The following TLCD4 variants were observed in gnomAD, a reference collection of about 807,000 sequenced individuals.
TLCD4 encodes the protein TLC domain containing 4.
In TLCD4, 7 loss-of-function variants were observed where a neutral mutation model predicts 24.2. That is an observed-to-expected ratio of 0.29 (90% CI 0.16 to 0.54). The LOEUF is 0.54. Ranked by LOEUF, TLCD4 falls within the 20% of genes least tolerant of loss-of-function variation. The pLI, the probability that TLCD4 is intolerant of heterozygous loss-of-function variation, is 0.95. For missense variants in TLCD4, 259 were observed against 313.9 expected (o/e 0.82, Z 1.32); for synonymous variants, 103 against 106.4 (o/e 0.97, Z 0.20).
chr1:95,140,116 A>G (rs1290858845), intron 1 of TLCD4, among the ~76,000 whole-genome samples: 4 of 152,162 alleles, frequency 2.6e-5, no homozygotes, highest in African/African-American at 2.4e-5. Flanking sequence ...GTTTTTTTTA[A>G]TAAATAGAAG....
At chr1:95,141,828 C>T (rs1257909871) in intron 1 of TLCD4, among the ~76,000 whole-genome samples, 2 of 141,950 alleles carry the variant, frequency 1.4e-5, no homozygotes, top group Non-Finnish European at 3.1e-5. Context: ...CACACACACA[C>T]ACACAAAGAA....
At chr1:95,186,816 G>A (rs545716245) in intron 6 of TLCD4, among the ~76,000 whole-genome samples, 1 of 152,206 alleles carries the variant, frequency 6.6e-6, no homozygotes, top group East Asian at 1.9e-4. Flanking sequence ...AGATAATTTA[G>A]CCCTTTTATC....
At chr1:95,183,445 TAGTG>T (rs916834883) in intron 6 of TLCD4, among the ~76,000 whole-genome samples, 2 of 152,158 alleles carry the variant, frequency 1.3e-5, no homozygotes, top group Non-Finnish European at 2.9e-5. Flanking sequence ...AGTGGAAATT[TAGTG>T]AGAGCTCGAG....
chr1:95,179,695 T>G (rs1370643837), intron 6 of TLCD4, among the ~76,000 whole-genome samples: 1 of 152,222 alleles, frequency 6.6e-6, no homozygotes, highest in South Asian at 2.1e-4. Context: ...GGTTAAAACC[T>G]CTCAGTGGCT....
At chr1:95,183,389 G>A (rs769408816) in intron 6 of TLCD4, among the ~76,000 whole-genome samples, 3 of 151,548 alleles carry the variant, frequency 2.0e-5, no homozygotes, top group Admixed American at 6.6e-5. Context: ...GGAAGGTGAC[G>A]AATTTAGTGC....
chr1:95,111,955 A>G, the TLCD4 span, among the ~76,000 whole-genome samples: 1 of 152,336 alleles, frequency 6.6e-6, no homozygotes, highest in South Asian at 2.1e-4. Context: ...GCCCTTGGAA[A>G]TGACAAATGT....
chr1:95,100,144 A>T, the TLCD4 span, among the ~76,000 whole-genome samples: 1 of 152,090 alleles, frequency 6.6e-6, no homozygotes, highest in Non-Finnish European at 1.5e-5. Context: ...ATATAGAATA[A>T]AGAAATTCAC....
chr1:95,127,704 G>T lies in TLCD4; in HGVS notation c.-12+10087G>T, dbSNP rs1023678026. Among the ~76,000 whole-genome samples the T allele has an allele frequency of 1.4e-4, 22 of 152,316 alleles. 1 individual carries two copies. The Middle Eastern group carries it at 0.01, about 71-fold the overall frequency. Reference sequence around the variant, plus strand: ...GACAGTAGAGAGCCACCTGGTCTCTGCTTCAGCTTCAGGGACTCTTCCTAG... The same window carrying T: ...GACAGTAGAGAGCCACCTGGTCTCTTCTTCAGCTTCAGGGACTCTTCCTAG... On this transcript the variant is annotated intron_variant, in intron 1 of 6. Transcript: ENST00000370203.
intron 1 of TLCD4, among the ~76,000 whole-genome samples, chr1:95,121,942 GC>G (rs1486944800): frequency 6.6e-6 from 1 of 152,194 alleles, no homozygotes; most frequent in Non-Finnish European, 1.5e-5. Context: ...TCCAGTATTT[GC>G]CCTGGAGTTA....
upstream of TLCD4, among the ~76,000 whole-genome samples, chr1:95,114,823 C>G (rs1400212110): frequency 6.7e-6 from 1 of 150,024 alleles, no homozygotes; most frequent in Non-Finnish European, 1.5e-5. Flanking sequence ...AAGACTCTGT[C>G]TCAAAGAAAA....
At chr1:95,121,168 G>T (rs1676557961) in intron 1 of TLCD4, 1 of 152,240 alleles carries the variant, frequency 6.6e-6, no homozygotes, top group African/African-American at 2.4e-5. Context: ...AAACGTGCAA[G>T]GAGTGAACTT....
At chr1:95,152,083 A>G (rs1677509237) in intron 5 of TLCD4, among the ~76,000 whole-genome samples, 1 of 152,110 alleles carries the variant, frequency 6.6e-6, no homozygotes, top group South Asian at 2.1e-4. Flanking sequence ...TTTTTCATAA[A>G]GATGGTTGCT....
the TLCD4 span, among the ~76,000 whole-genome samples, chr1:95,093,584 T>G: frequency 6.6e-6 from 1 of 152,194 alleles, no homozygotes; most frequent in Non-Finnish European, 1.5e-5. Context: ...AAGAGTCCAC[T>G]CAGATGTTTG....
chr1:95,106,260 T>C, the TLCD4 span, among the ~76,000 whole-genome samples: 1 of 152,244 alleles, frequency 6.6e-6, no homozygotes, highest in Non-Finnish European at 1.5e-5. Flanking sequence ...CAACTTCATT[T>C]CAATTTGATA....
chr1:95,111,166 T>C, the TLCD4 span, among the ~76,000 whole-genome samples: 82,489 of 151,566 alleles, frequency 0.54, 23,045 homozygotes, highest in Admixed American at 0.63. Context: ...GGTGTGGTAG[T>C]GTGCACCTAC....
At chr1:95,160,089 C>T (rs914419049) in intron 5 of TLCD4, among the ~76,000 whole-genome samples, 1 of 152,154 alleles carries the variant, frequency 6.6e-6, no homozygotes, top group African/African-American at 2.4e-5. Context: ...CTATAAATTA[C>T]CTTGGGCAGC....
intron 5 of TLCD4, among the ~76,000 whole-genome samples, chr1:95,155,750 GT>G (rs35423088): frequency 0.59 from 84,578 of 143,628 alleles, 25,451 homozygotes; most frequent in East Asian, 0.79. Flanking sequence ...ACTCACAGAG[GT>G]TTTTTTTTTT....
intron 6 of TLCD4, among the ~76,000 whole-genome samples, chr1:95,187,499 T>C (rs1333242020): frequency 6.6e-6 from 1 of 152,270 alleles, no homozygotes; most frequent in Middle Eastern, 3.4e-3. Context: ...GTTTGTCTGA[T>C]GTTTTTCTCA....
Position 95,193,842 on chromosome 1 carries a change from G to A in TLCD4, c.*1974G>A, listed in dbSNP as rs577214913. 1 of 152,026 alleles carries A rather than the reference G, an allele frequency of 6.6e-6. No individual in the cohort carries two copies. The highest frequency in any genetic ancestry group is 6.6e-5 in the Admixed American group (1 of 15,244). The allele number at this position is 152,026 out of a possible 1,614,324, so 9.4% of individuals were successfully genotyped here. ...TAAATATGTACTGGTTAACTAGAGG[G>A]GGGTAGGAAAGCAAGCGGTTTTATC... is the stretch of plus-strand genomic sequence containing the variant. On this transcript the variant is annotated 3_prime_UTR_variant, in exon 7 of 7. Transcript: ENST00000370203.
Sources: gnomAD v4.1 joint callset for allele counts (sites outside exome capture counted in the v4.1 genomes callset) on GRCh38, gnomAD v4.1.1 for gene constraint, MANE v1.5 for transcripts, NCBI Gene and HGNC (gene_info 2026-07-23, HGNC 2026-07-21) for gene names.